DSCAM: variants seen among roughly 807,000 people sequenced by gnomAD.
DSCAM encodes the protein cell adhesion molecule DSCAM.
In DSCAM, 47 loss-of-function variants were observed where a neutral mutation model predicts 217.7. The observed-to-expected ratio is 0.22, with a 90% CI of 0.17 to 0.28. The LOEUF (loss-of-function observed/expected upper bound fraction) is 0.28, where lower values mean the gene tolerates loss of function less well. Among genes scored for constraint, DSCAM ranks in the 10% least tolerant of loss-of-function variants. The pLI is 1.00. For missense variants in DSCAM, 2,080 were observed against 2,618.3 expected (o/e 0.79, Z 4.49); for synonymous variants, 1,056 against 1,015.3 (o/e 1.04, Z -0.76).
chr21:40,683,793 C>A (rs193089343), intron 3 of DSCAM, among the ~76,000 whole-genome samples: 1 of 152,190 alleles, frequency 6.6e-6, no homozygotes, highest in Admixed American at 6.5e-5. Flanking sequence ...AGTTACGATC[C>A]TTTGAACACT....
chr21:40,063,461 G>A (rs2089155240), intron 27 of DSCAM, among the ~76,000 whole-genome samples: 1 of 151,680 alleles, frequency 6.6e-6, no homozygotes, highest in African/African-American at 2.4e-5. Context: ...ACTCTTGACA[G>A]AAGGAATCCT....
chr21:40,019,727 C>T (rs890883111), intron 32 of DSCAM, among the ~76,000 whole-genome samples: 12 of 152,150 alleles, frequency 7.9e-5, no homozygotes, highest in African/African-American at 2.7e-4. Context: ...GGTGCAAATG[C>T]CCTCGGCATC....
chr21:40,538,719 G>A (rs112036818), intron 3 of DSCAM, among the ~76,000 whole-genome samples: 11 of 152,148 alleles, frequency 7.2e-5, no homozygotes, highest in African/African-American at 2.4e-4. Flanking sequence ...CATCAAGGCC[G>A]TGGTGTTCAA....
At chr21:40,386,441 T>A (rs1329575881) in intron 3 of DSCAM, among the ~76,000 whole-genome samples, 3 of 152,170 alleles carry the variant, frequency 2.0e-5, no homozygotes, top group Admixed American at 6.5e-5. Context: ...TGCTGAGGAA[T>A]CGGCCTTGGA....
chr21:40,768,059 A>G (rs1202804303), intron 1 of DSCAM, among the ~76,000 whole-genome samples: 1 of 152,280 alleles, frequency 6.6e-6, no homozygotes, highest in African/African-American at 2.4e-5. Context: ...AAAACACTCT[A>G]AAGTTGACTA....
chr21:40,056,721 T>C (rs1421292236), intron 28 of DSCAM, among the ~76,000 whole-genome samples: 4 of 152,212 alleles, frequency 2.6e-5, no homozygotes, highest in Non-Finnish European at 5.9e-5. Flanking sequence ...GATAATCCAA[T>C]CAATGGCATA....
At chr21:40,513,874 C>A (rs1452291587) in intron 3 of DSCAM, among the ~76,000 whole-genome samples, 1 of 152,016 alleles carries the variant, frequency 6.6e-6, no homozygotes, top group Non-Finnish European at 1.5e-5. Context: ...ACAACAACAA[C>A]AAAAACAAGT....
In DSCAM at chr21:40,144,776, G is replaced by A. The variant is rs1198952801; in HGVS notation, c.3019-45C>T. On this transcript the variant is annotated intron_variant, in intron 16 of 32. Transcript: ENST00000400454. The surrounding 1 kb of genome is among the most constrained non-coding windows in gnomAD (Gnocchi z 4.8). ...ACACACTAAAGAAGTCTTGAGGTAG[G>A]ACAAGAGCGAAATCAACGCCCACAC... 2 of 1,608,622 alleles carry A rather than the reference G, an allele frequency of 1.2e-6. No individual in the cohort carries two copies. Among genetic ancestry groups the A allele is most frequent in the Admixed American group, 3.3e-5 (2 of 59,822 alleles).
intron 8 of DSCAM, among the ~76,000 whole-genome samples, chr21:40,329,227 G>A (rs1371005415): frequency 6.6e-6 from 1 of 152,188 alleles, no homozygotes. Flanking sequence ...GTTCATTGTG[G>A]CATTGTTTAC....
intron 16 of DSCAM, among the ~76,000 whole-genome samples, chr21:40,160,067 C>T (rs983648222): frequency 6.6e-6 from 1 of 152,124 alleles, no homozygotes; most frequent in African/African-American, 2.4e-5. Context: ...AATCAAGGGA[C>T]CACCTTATGG....
intron 3 of DSCAM, among the ~76,000 whole-genome samples, chr21:40,496,763 A>C (rs2076121723): frequency 6.6e-6 from 1 of 152,130 alleles, no homozygotes; most frequent in Non-Finnish European, 1.5e-5. Flanking sequence ...TTAATATCTA[A>C]AAGATATAAG....
In DSCAM at chr21:40,712,809, C is replaced by CAGAGAGAG. The variant is rs142528775; in HGVS notation, c.44-4046_44-4039dup. Among the ~76,000 whole-genome samples, 492 of 149,042 alleles carry CAGAGAGAG rather than the reference C, an allele frequency of 3.3e-3. 6 individuals carry two copies. Among genetic ancestry groups the CAGAGAGAG allele is most frequent in the African/African-American group, 0.011 (436 of 40,338 alleles). The stretch of plus-strand genomic sequence containing the variant: ...GGAACTGACTGTATAGAAGTTGAGA[C>CAGAGAGAG]AGAGAGAGAGAGAGAGAGAGAGAGA... On this transcript the variant is annotated intron_variant, in intron 1 of 32. Coordinates refer to ENST00000400454, the MANE Select transcript of DSCAM (RefSeq NM_001389.5).
At chr21:40,172,136 G>C (rs1568980258) in intron 15 of DSCAM, among the ~76,000 whole-genome samples, 1 of 152,204 alleles carries the variant, frequency 6.6e-6, no homozygotes, top group East Asian at 1.9e-4. Context: ...GGGTGCAGTG[G>C]TACATGCCCA....
intron 3 of DSCAM, among the ~76,000 whole-genome samples, chr21:40,429,467 C>A (rs935677221): frequency 4.6e-5 from 7 of 152,054 alleles, no homozygotes; most frequent in Admixed American, 3.3e-4. Context: ...GGAGTTTCTC[C>A]ATGTTGGTCA....
chr21:40,276,039 A>C (rs2073681859), intron 11 of DSCAM, 58 bp downstream of exon 11: 1 of 1,449,986 alleles, frequency 6.9e-7, no homozygotes, highest in African/African-American at 1.4e-5. Context: ...TGAAAAAGGA[A>C]GCCCCCAGAG....
At chr21:40,539,018 A>G (rs539776573) in intron 3 of DSCAM, among the ~76,000 whole-genome samples, 1 of 152,182 alleles carries the variant, frequency 6.6e-6, no homozygotes, top group South Asian at 2.1e-4. Context: ...AGACTTTCAT[A>G]GAACAAAACT....
intron 27 of DSCAM, among the ~76,000 whole-genome samples, chr21:40,071,437 T>G (rs1484695553): frequency 6.6e-6 from 1 of 152,152 alleles, no homozygotes; most frequent in Non-Finnish European, 1.5e-5. Flanking sequence ...TAAAATAACA[T>G]TATATTATAT....
intron 1 of DSCAM, among the ~76,000 whole-genome samples, chr21:40,843,388 G>GTGTGTGTGTA (rs2092118599): frequency 6.6e-6 from 1 of 151,858 alleles, no homozygotes; most frequent in African/African-American, 2.4e-5. Flanking sequence ...GTGTGTGTGT[G>GTGTGTGTGTA]TGTGTGTGTG....
At chr21:40,040,492 C>G (rs1001445713) in intron 32 of DSCAM, among the ~76,000 whole-genome samples, 3 of 152,166 alleles carry the variant, frequency 2.0e-5, no homozygotes, top group Non-Finnish European at 4.4e-5. Context: ...TGACGGCATG[C>G]TATCTCAGGT....
Sources: allele counts gnomAD v4.1 joint callset (sites outside exome capture counted in the v4.1 genomes callset), GRCh38; gene constraint gnomAD v4.1.1; non-coding constraint Gnocchi (gnomAD v3.1); transcripts MANE v1.5; gene names NCBI Gene and HGNC (gene_info 2026-07-23, HGNC 2026-07-21).